Variants in ZDHHC7 observed in about 807,000 individuals in gnomAD.
ZDHHC7 encodes the protein palmitoyltransferase ZDHHC7.
ZDHHC7 carries 12 observed loss-of-function variants against 34.1 expected under a neutral mutation model. That is an observed-to-expected ratio of 0.35 (90% CI 0.23 to 0.57). ZDHHC7 has a LOEUF of 0.57. ZDHHC7 is among the 20% of genes least tolerant of loss of function. The pLI is 0.84. For synonymous variants in ZDHHC7, 185 were observed against 155.4 expected (o/e 1.19, Z -1.42); for missense variants, 388 against 402.7 (o/e 0.96, Z 0.31).
upstream of ZDHHC7, among the ~76,000 whole-genome samples, chr16:85,015,747 G>A (rs1326422052): frequency 6.6e-6 from 1 of 151,806 alleles, no homozygotes; most frequent in Non-Finnish European, 1.5e-5. Context: ...CAAGGGGGTT[G>A]AAGTGGGAGG....
chr16:84,988,970 A>C, intron 3 of ZDHHC7: 1 of 1,244,734 alleles, frequency 8.0e-7, no homozygotes, highest in Non-Finnish European at 1.1e-6. Context: ...TGGGCAACAA[A>C]CAAGGGGTTT....
the ZDHHC7 span, among the ~76,000 whole-genome samples, chr16:85,021,407 T>TA: frequency 2.7e-5 from 1 of 37,466 alleles, no homozygotes; most frequent in African/African-American, 2.5e-4. Context: ...CGAGACTCCA[T>TA]CCAAAAAAAA....
intron 1 of ZDHHC7, among the ~76,000 whole-genome samples, chr16:85,009,412 GT>G (rs1468331241): frequency 6.6e-6 from 1 of 151,992 alleles, no homozygotes; most frequent in Non-Finnish European, 1.5e-5. Flanking sequence ...AAGAGGATTT[GT>G]TTTTACAGTT....
At chr16:84,980,155 G>A (rs2072349368) in intron 4 of ZDHHC7, among the ~76,000 whole-genome samples, 1 of 150,896 alleles carries the variant, frequency 6.6e-6, no homozygotes, top group African/African-American at 2.4e-5. Context: ...TAGTAGAGAT[G>A]GGGGTTTCAT....
In ZDHHC7 at chr16:84,976,449, A is replaced by G; in HGVS notation, c.821T>C (p.Val274Ala). The G allele has an allele frequency of 6.2e-7, 1 of 1,614,060 alleles. No homozygotes were observed. Among genetic ancestry groups the G allele is most frequent in the Non-Finnish European group, 8.5e-7 (1 of 1,179,996 alleles). Residue 274 changes from valine (V) to alanine (A), a missense_variant, in exon 8 of 8, where the codon GTC (valine) becomes GCC (alanine). Physicochemically the swap from Val to Ala is moderately conservative, Grantham distance 64. Transcript: ENST00000313732. ...RRLRWEGMKS[V>A]FGGPPSLLWM... Reference sequence around the variant, plus strand: ...GAGGAGTGAGGGGGGCCCCCCAAAGACGGACTTCATCCCTTCCCATCGCAG... The same window carrying G: ...GAGGAGTGAGGGGGGCCCCCCAAAGGCGGACTTCATCCCTTCCCATCGCAG...
At chr16:85,026,362 G>T in the ZDHHC7 span, among the ~76,000 whole-genome samples, 1 of 152,094 alleles carries the variant, frequency 6.6e-6, no homozygotes. Flanking sequence ...ACCACGTAAA[G>T]GAATGAGGGG....
intron 1 of ZDHHC7, among the ~76,000 whole-genome samples, chr16:84,997,498 C>T (rs372365681): frequency 8.1e-4 from 121 of 149,696 alleles, no homozygotes; most frequent in African/African-American, 2.9e-3. Context: ...GTCTCGATCT[C>T]CTGACCTCGT....
At chr16:85,009,405 A>C (rs908242270) in intron 1 of ZDHHC7, among the ~76,000 whole-genome samples, 1 of 152,022 alleles carries the variant, frequency 6.6e-6, no homozygotes, top group Non-Finnish European at 1.5e-5. Flanking sequence ...GTTCTTGAAG[A>C]GGATTTGTTT....
intron 1 of ZDHHC7, among the ~76,000 whole-genome samples, chr16:84,998,709 G>A (rs2072615726): frequency 6.6e-6 from 1 of 150,808 alleles, no homozygotes; most frequent in African/African-American, 2.4e-5. Flanking sequence ...ACACAGCACT[G>A]GTTCCCCAAC....
chr16:84,988,304 G>A (rs2072463824), intron 3 of ZDHHC7, among the ~76,000 whole-genome samples: 3 of 152,072 alleles, frequency 2.0e-5, no homozygotes, highest in South Asian at 4.1e-4. Flanking sequence ...CCTTTCTGAG[G>A]TGATAAAAAT....
intron 1 of ZDHHC7, among the ~76,000 whole-genome samples, chr16:85,008,754 A>C (rs1364925774): frequency 6.6e-6 from 1 of 151,760 alleles, no homozygotes; most frequent in East Asian, 1.9e-4. Flanking sequence ...GTTTGAAGAA[A>C]AAAAAAAAGG....
At chr16:85,007,809 G>C (rs1381996809) in intron 1 of ZDHHC7, among the ~76,000 whole-genome samples, 1 of 152,072 alleles carries the variant, frequency 6.6e-6, no homozygotes, top group Non-Finnish European at 1.5e-5. Flanking sequence ...TTTCAAGTAG[G>C]AAGGGACCAG....
chr16:84,974,815 G>A lies in ZDHHC7; in HGVS notation c.*1528C>T, dbSNP rs2072273396. 6.5e-6 allele frequency: 1 copy of A among 152,700 alleles called. No individual in the cohort carries two copies. The highest frequency in any genetic ancestry group is 1.5e-5 in the Non-Finnish European group (1 of 68,096). The allele number at this position is 152,700 out of a possible 1,614,324, so 9.5% of individuals were successfully genotyped here. ...TTCCAAACCCCCTGCAGGTTTGCTC[G>A]CTTGGCTAGGACGGTGGCTCAGGTA... is the stretch of plus-strand genomic sequence containing the variant. On this transcript the variant is annotated 3_prime_UTR_variant, in exon 8 of 8. Coordinates refer to ENST00000313732, the MANE Select transcript of ZDHHC7 (RefSeq NM_017740.3).
intron 1 of ZDHHC7, among the ~76,000 whole-genome samples, chr16:85,003,551 A>G (rs966480843): frequency 1.6e-4 from 24 of 152,176 alleles, no homozygotes; most frequent in Admixed American, 1.4e-3. Context: ...CTAAGAAACC[A>G]TGATTTTCTA....
intron 1 of ZDHHC7, among the ~76,000 whole-genome samples, chr16:85,002,697 T>C (rs140770893): frequency 6.6e-6 from 1 of 152,106 alleles, no homozygotes; most frequent in Non-Finnish European, 1.5e-5. Context: ...CAAGTGTGAA[T>C]TTTATCGATA....
At chr16:84,997,429 C>T (rs2072594184) in intron 1 of ZDHHC7, among the ~76,000 whole-genome samples, 1 of 151,050 alleles carries the variant, frequency 6.6e-6, no homozygotes, top group South Asian at 2.1e-4. Context: ...CCACCACACC[C>T]AGCTAATTAT....
intron 1 of ZDHHC7, among the ~76,000 whole-genome samples, chr16:85,010,610 C>T (rs1208728732): frequency 6.6e-6 from 1 of 152,242 alleles, no homozygotes; most frequent in Non-Finnish European, 1.5e-5. Context: ...GTAGCCGCAT[C>T]AACACTGTCT....
At chr16:85,016,761 G>A in the ZDHHC7 span, among the ~76,000 whole-genome samples, 30,864 of 150,660 alleles carry the variant, frequency 0.2, 3,298 homozygotes, top group Admixed American at 0.3. Flanking sequence ...CACCTGTCTC[G>A]TTAAAATACT....
intron 1 of ZDHHC7, among the ~76,000 whole-genome samples, chr16:85,004,042 A>C (rs1401747188): frequency 2.0e-5 from 3 of 152,106 alleles, no homozygotes; most frequent in Non-Finnish European, 2.9e-5. Flanking sequence ...AAAAAAAGAT[A>C]TCTGGAAAAC....
Sources: gnomAD v4.1 joint callset for allele counts (sites outside exome capture counted in the v4.1 genomes callset) on GRCh38, gnomAD v4.1.1 for gene constraint, MANE v1.5 for transcripts, NCBI Gene and HGNC (gene_info 2026-07-23, HGNC 2026-07-21) for gene names.